Variants in LYPLAL1 observed in about 807,000 individuals in gnomAD.
The protein encoded by LYPLAL1 is lysophospholipase-like protein 1.
In LYPLAL1, 23 loss-of-function variants were observed where a neutral mutation model predicts 19.7. That is an observed-to-expected ratio of 1.17 (90% CI 0.84 to 1.65). LYPLAL1 has a LOEUF of 1.65. LYPLAL1 is among the 40% of genes most tolerant of loss of function. The pLI is 0.00. For synonymous variants in LYPLAL1, 119 were observed against 96.3 expected, an observed-to-expected ratio of 1.24 and a Z score of -1.38; for missense variants, 355 against 279.4, an observed-to-expected ratio of 1.27 and a Z score of -1.93.
intron 2 of LYPLAL1, among the ~76,000 whole-genome samples, chr1:219,191,621 A>G (rs1657188255): frequency 6.6e-6 from 1 of 151,622 alleles, no homozygotes; most frequent in African/African-American, 2.4e-5. Flanking sequence ...TCATTTACAC[A>G]GTTTACCGAA....
chr1:219,444,155 C>G, the LYPLAL1 span, among the ~76,000 whole-genome samples: 2 of 152,158 alleles, frequency 1.3e-5, no homozygotes, highest in African/African-American at 4.8e-5. Flanking sequence ...GCTTAAGAAA[C>G]AGTAGAACCC....
chr1:219,416,145 C>A, the LYPLAL1 span, among the ~76,000 whole-genome samples: 3 of 152,048 alleles, frequency 2.0e-5, no homozygotes, highest in African/African-American at 7.2e-5. Context: ...ACTAATGAAC[C>A]AATATTAATA....
the LYPLAL1 span, among the ~76,000 whole-genome samples, chr1:219,396,316 A>G: frequency 1.3e-5 from 2 of 152,040 alleles, no homozygotes; most frequent in African/African-American, 2.4e-5. Context: ...TACCAGTATC[A>G]TGCTGGTTTG....
At chr1:219,361,693 T>C in the LYPLAL1 span, among the ~76,000 whole-genome samples, 1 of 152,094 alleles carries the variant, frequency 6.6e-6, no homozygotes, top group Admixed American at 6.6e-5. Flanking sequence ...ACAGGAAAAG[T>C]TGCTTTTCAA....
the LYPLAL1 span, among the ~76,000 whole-genome samples, chr1:219,425,494 A>T: frequency 2.6e-5 from 4 of 152,190 alleles, no homozygotes; most frequent in African/African-American, 7.2e-5. Context: ...TTAAAATCAT[A>T]TATTTTTCTG....
At chr1:219,396,847 C>CATG in the LYPLAL1 span, among the ~76,000 whole-genome samples, 1 of 152,192 alleles carries the variant, frequency 6.6e-6, no homozygotes, top group African/African-American at 2.4e-5. Flanking sequence ...GATATGGAAT[C>CATG]ATGTCATTTG....
chr1:219,360,550 G>A, the LYPLAL1 span, among the ~76,000 whole-genome samples: 1 of 152,082 alleles, frequency 6.6e-6, no homozygotes, highest in Non-Finnish European at 1.5e-5. Context: ...AAAGTCCCTG[G>A]TAGAGAGTAA....
chr1:219,260,228 G>A, the LYPLAL1 span, among the ~76,000 whole-genome samples: 1 of 151,680 alleles, frequency 6.6e-6, no homozygotes, highest in African/African-American at 2.4e-5. Context: ...AAAATCAGAG[G>A]CATTAAGATT....
chr1:219,240,652 AG>A, the LYPLAL1 span, among the ~76,000 whole-genome samples: 3 of 152,228 alleles, frequency 2.0e-5, no homozygotes, highest in African/African-American at 2.4e-5. Flanking sequence ...TGAATACTTT[AG>A]CACTAAATTC....
chr1:219,239,582 T>C, the LYPLAL1 span, among the ~76,000 whole-genome samples: 1 of 152,214 alleles, frequency 6.6e-6, no homozygotes, highest in African/African-American at 2.4e-5. Flanking sequence ...TTCTCTTGTG[T>C]CAGCACATAT....
chr1:219,371,656 CCAAT>C, the LYPLAL1 span, among the ~76,000 whole-genome samples: 2 of 152,104 alleles, frequency 1.3e-5, no homozygotes, highest in African/African-American at 2.4e-5. Context: ...TGAGTTTTGG[CCAAT>C]CAAAGGTGGC....
chr1:219,349,455 AT>A, the LYPLAL1 span, among the ~76,000 whole-genome samples: 1 of 152,220 alleles, frequency 6.6e-6, no homozygotes, highest in African/African-American at 2.4e-5. Flanking sequence ...ATGAAGCATA[AT>A]TTGAAGCATA....
chr1:219,386,271 T>C, the LYPLAL1 span, among the ~76,000 whole-genome samples: 4 of 152,324 alleles, frequency 2.6e-5, no homozygotes, highest in African/African-American at 9.6e-5. Flanking sequence ...CAATGGCCTT[T>C]GGATTACTGT....
chr1:219,299,773 G>A, the LYPLAL1 span, among the ~76,000 whole-genome samples: 1 of 152,132 alleles, frequency 6.6e-6, no homozygotes, highest in East Asian at 1.9e-4. Context: ...ATGGCCTGAA[G>A]GGAAAATGTT....
the LYPLAL1 span, among the ~76,000 whole-genome samples, chr1:219,320,608 A>G: frequency 6.6e-6 from 1 of 151,590 alleles, no homozygotes; most frequent in Non-Finnish European, 1.5e-5. Flanking sequence ...ATCCCACGAC[A>G]GGTCCTGGTG....
At chr1:219,175,014 G>C in intron 1 of LYPLAL1, 2 of 985,422 alleles carry the variant, frequency 2.0e-6, no homozygotes, top group Non-Finnish European at 2.4e-6. Context: ...TCTTTGAGCC[G>C]AGACGGGTAG....
the LYPLAL1 span, among the ~76,000 whole-genome samples, chr1:219,255,231 G>T: frequency 6.6e-6 from 1 of 151,466 alleles, no homozygotes; most frequent in South Asian, 2.1e-4. Context: ...TATAAATATG[G>T]TATATATACT....
chr1:219,238,341 CG>C, the LYPLAL1 span, among the ~76,000 whole-genome samples: 1 of 98,192 alleles, frequency 1.0e-5, no homozygotes, highest in Non-Finnish European at 1.9e-5. Flanking sequence ...TTAGTAGAGA[CG>C]GGGTTTCACT....
At chr1:219,261,322 T>G in the LYPLAL1 span, among the ~76,000 whole-genome samples, 1 of 152,130 alleles carries the variant, frequency 6.6e-6, no homozygotes, top group African/African-American at 2.4e-5. Context: ...CTGGTGGTGA[T>G]TGTCTGCTCA....
Sources: gnomAD v4.1 joint callset for allele counts (sites outside exome capture counted in the v4.1 genomes callset) on GRCh38, gnomAD v4.1.1 for gene constraint, MANE v1.5 for transcripts, NCBI Gene and HGNC (gene_info 2026-07-23, HGNC 2026-07-21) for gene names.